Variants in PSD3 observed in about 807,000 individuals in gnomAD.
PSD3 encodes the protein PH and SEC7 domain-containing protein 3.
PSD3 carries 49 observed loss-of-function variants against 105.5 expected under a neutral mutation model. That is an observed-to-expected ratio of 0.46 (90% CI 0.37 to 0.59). The LOEUF (loss-of-function observed/expected upper bound fraction) is 0.59. Among genes scored for constraint, PSD3 ranks in the 20% least tolerant of loss-of-function variants. The probability of loss-of-function intolerance (pLI) is 0.00; values close to 1 mark genes in which losing one functional copy is unlikely to be tolerated. For missense variants in PSD3, 1,561 were observed against 1,263.8 expected, an observed-to-expected ratio of 1.24 and a Z score of -3.57; for synonymous variants, 557 against 457.8, an observed-to-expected ratio of 1.22 and a Z score of -2.77.
intron 2 of PSD3, among the ~76,000 whole-genome samples, chr8:18,890,034 G>A (rs1818685378): frequency 6.6e-6 from 1 of 152,080 alleles, no homozygotes; most frequent in African/African-American, 2.4e-5. Context: ...CCTGATATAA[G>A]ATTTTTAGAA....
intron 1 of PSD3, among the ~76,000 whole-genome samples, chr8:19,022,386 C>A (rs1827390905): frequency 6.6e-6 from 1 of 152,214 alleles, no homozygotes. Context: ...CTCTCACCCA[C>A]CCTACTGGGT....
At chr8:18,538,830 T>C (rs567092420) in intron 15 of PSD3, among the ~76,000 whole-genome samples, 36 of 152,292 alleles carry the variant, frequency 2.4e-4, no homozygotes, top group African/African-American at 6.0e-4. Flanking sequence ...TACATCAGTG[T>C]GTCAATCAAC....
At chr8:18,536,312 A>G (rs990593529) in intron 15 of PSD3, among the ~76,000 whole-genome samples, 17 of 152,330 alleles carry the variant, frequency 1.1e-4, no homozygotes, top group African/African-American at 4.1e-4. Flanking sequence ...CGGCGGCTGC[A>G]TGGCTCTTGT....
intron 2 of PSD3, among the ~76,000 whole-genome samples, chr8:18,898,647 T>C (rs1048113981): frequency 1.3e-5 from 2 of 152,178 alleles, no homozygotes; most frequent in Admixed American, 1.3e-4. Flanking sequence ...TGGACACATA[T>C]TTTGCATGTT....
intron 2 of PSD3, among the ~76,000 whole-genome samples, chr8:18,900,351 G>A (rs1478016974): frequency 6.6e-6 from 1 of 152,114 alleles, no homozygotes; most frequent in Non-Finnish European, 1.5e-5. Context: ...AAGGTTTTGT[G>A]CCTACTGAGG....
At chr8:18,854,981 G>A (rs778273341) in intron 4 of PSD3, among the ~76,000 whole-genome samples, 14 of 152,184 alleles carry the variant, frequency 9.2e-5, no homozygotes, top group African/African-American at 2.7e-4. Flanking sequence ...AGAGGCATCC[G>A]AGAAACCAGG....
chr8:18,822,874 T>A (rs1190176838), intron 4 of PSD3, among the ~76,000 whole-genome samples: 1 of 152,148 alleles, frequency 6.6e-6, no homozygotes, highest in Non-Finnish European at 1.5e-5. Flanking sequence ...TTTTAAAGTT[T>A]ACAGCACAAG....
In PSD3 at chr8:18,824,777, T is replaced by C. The variant is rs540713915; in HGVS notation, c.1635-19879A>G. Among the ~76,000 whole-genome samples, 96 of 152,194 alleles carry C rather than the reference T, an allele frequency of 6.3e-4. 1 individual carries two copies. In the South Asian group the frequency reaches 0.019, roughly 30 times the overall value. ...AACACCTGACTGCGATACAGATAAC[T>C]AGAAGAGTCAAATTAGATCCCTAGG... is the stretch of plus-strand genomic sequence containing the variant. On this transcript the variant is annotated intron_variant, in intron 4 of 15. Transcript: ENST00000327040.
At chr8:18,706,260 T>C (rs1347090054) in intron 9 of PSD3, among the ~76,000 whole-genome samples, 6 of 152,236 alleles carry the variant, frequency 3.9e-5, no homozygotes, top group African/African-American at 1.2e-4. Flanking sequence ...TTAGGGTTCT[T>C]TGTTACTCAG....
chr8:18,836,170 G>T (rs934646155), intron 4 of PSD3, among the ~76,000 whole-genome samples: 1 of 152,142 alleles, frequency 6.6e-6, no homozygotes. Flanking sequence ...GGAGACTCCC[G>T]CATTTAATGG....
intron 10 of PSD3, among the ~76,000 whole-genome samples, chr8:18,650,247 A>G (rs1035288507): frequency 1.3e-5 from 2 of 152,234 alleles, no homozygotes; most frequent in African/African-American, 2.4e-5. Context: ...CATAAGATAT[A>G]AACTCCCATA....
intron 9 of PSD3, among the ~76,000 whole-genome samples, chr8:18,755,429 C>CAACATAACAT (rs372407715): frequency 0.26 from 35,965 of 136,228 alleles, 5,027 homozygotes; most frequent in Non-Finnish European, 0.28. Context: ...GACCCTGTCT[C>CAACATAACAT]AACATAACAT....
At chr8:18,690,153 A>C (rs1800893618) in intron 9 of PSD3, among the ~76,000 whole-genome samples, 1 of 152,206 alleles carries the variant, frequency 6.6e-6, no homozygotes, top group Admixed American at 6.5e-5. Context: ...CCAGCTACTC[A>C]TAAGAACTAC....
intron 1 of PSD3, among the ~76,000 whole-genome samples, chr8:18,946,523 G>A (rs1166821108): frequency 6.6e-6 from 1 of 152,148 alleles, no homozygotes; most frequent in South Asian, 2.1e-4. Flanking sequence ...TGAGGCTGTA[G>A]TGAGCTATGA....
intron 10 of PSD3, among the ~76,000 whole-genome samples, chr8:18,650,031 G>C (rs919657194): frequency 6.6e-6 from 1 of 152,202 alleles, no homozygotes; most frequent in Admixed American, 6.5e-5. Flanking sequence ...CTTTGTAGCA[G>C]TGCAAGAACA....
At chr8:18,763,304 A>T (rs1027410764) in intron 9 of PSD3, among the ~76,000 whole-genome samples, 1 of 152,144 alleles carries the variant, frequency 6.6e-6, no homozygotes, top group Non-Finnish European at 1.5e-5. Context: ...TTTTCCTTTT[A>T]TTTCACACAA....
chr8:19,046,513 C>A (rs538129636), intron 1 of PSD3, among the ~76,000 whole-genome samples: 62 of 152,352 alleles, frequency 4.1e-4, no homozygotes, highest in African/African-American at 1.5e-3. Flanking sequence ...AAGTTCCCAG[C>A]ATCATGCATC....
At chr8:18,722,898 C>T (rs1803093830) in intron 9 of PSD3, among the ~76,000 whole-genome samples, 1 of 152,166 alleles carries the variant, frequency 6.6e-6, no homozygotes, top group Admixed American at 6.6e-5. Context: ...TATGCGAACC[C>T]CACAATGAGC....
chr8:18,552,366 G>A (rs917984173), intron 15 of PSD3, among the ~76,000 whole-genome samples: 2 of 152,128 alleles, frequency 1.3e-5, no homozygotes, highest in African/African-American at 2.4e-5. Context: ...AAAATATCTT[G>A]AAATAAAAAG....
Sources: gnomAD v4.1 joint callset for allele counts (sites outside exome capture counted in the v4.1 genomes callset) on GRCh38, gnomAD v4.1.1 for gene constraint, MANE v1.5 for transcripts, NCBI Gene and HGNC (gene_info 2026-07-23, HGNC 2026-07-21) for gene names.